The following UMAD1 variants were observed in gnomAD, a reference collection of about 807,000 sequenced individuals.
The protein encoded by UMAD1 is UBAP1-MVB12-associated (UMA)-domain containing protein 1.
A neutral mutation model predicts 6.1 loss-of-function variants in UMAD1; 8 were observed. The ratio of observed to expected loss-of-function variants is 1.30; its 90% CI spans 0.76 to 2.35. The LOEUF (loss-of-function observed/expected upper bound fraction) is 2.35. Ranked by LOEUF, UMAD1 falls within the 30% of genes most tolerant of loss-of-function variation. The probability of loss-of-function intolerance (pLI) is 0.00; values close to 1 mark genes in which losing one functional copy is unlikely to be tolerated. For missense variants in UMAD1, 130 were observed against 78.4 expected (o/e 1.66, Z -2.49); for synonymous variants, 56 against 31.4 (o/e 1.78, Z -2.61).
At chr7:7,855,438 C>G (rs189529760) in intron 3 of UMAD1, among the ~76,000 whole-genome samples, 107 of 152,348 alleles carry the variant, frequency 7.0e-4, no homozygotes, top group African/African-American at 2.5e-3. Context: ...CTGCATGCCC[C>G]AAGACCAACA....
intron 3 of UMAD1, among the ~76,000 whole-genome samples, chr7:7,862,660 A>T (rs1220470375): frequency 1.3e-5 from 2 of 152,210 alleles, no homozygotes; most frequent in African/African-American, 4.8e-5. Context: ...TACATGTTGT[A>T]ACCAGCTTGG....
At chr7:7,825,067 C>T (rs757009854) in intron 3 of UMAD1, among the ~76,000 whole-genome samples, 8 of 152,064 alleles carry the variant, frequency 5.3e-5, no homozygotes, top group Non-Finnish European at 1.2e-4. Context: ...GTTTGTAGCT[C>T]TCCTTTCAGT....
chr7:7,651,561 C>T (rs1455864673), intron 1 of UMAD1, among the ~76,000 whole-genome samples: 3 of 152,164 alleles, frequency 2.0e-5, no homozygotes, highest in Non-Finnish European at 4.4e-5. Flanking sequence ...TTTCCATCCT[C>T]ATGTTGATCT....
At chr7:7,863,891 C>T (rs948880117) in intron 3 of UMAD1, among the ~76,000 whole-genome samples, 2 of 152,218 alleles carry the variant, frequency 1.3e-5, no homozygotes, top group Non-Finnish European at 2.9e-5. Flanking sequence ...GAGAAAGAGA[C>T]TCTCCCTGGG....
intron 2 of UMAD1, among the ~76,000 whole-genome samples, chr7:7,674,734 C>G (rs1013276283): frequency 5.9e-5 from 9 of 152,188 alleles, no homozygotes; most frequent in Non-Finnish European, 1.5e-5. Flanking sequence ...TCAGAACTGA[C>G]TCTGTTAACT....
chr7:7,714,145 T>C (rs1425873282), intron 2 of UMAD1, among the ~76,000 whole-genome samples: 3 of 152,276 alleles, frequency 2.0e-5, no homozygotes, highest in Non-Finnish European at 2.9e-5. Context: ...GTACAAATGA[T>C]AGAAATTCCT....
Position 7,672,971 on chromosome 7 carries a change from C to T in UMAD1, c.-63-338C>T, listed in dbSNP as rs542376450. Reference sequence around the variant, plus strand: ...GTTTATTTTATTTTTTCCTATCACCCAAACCAGTGTCTGTTTTATGGTTAG... The same window carrying T: ...GTTTATTTTATTTTTTCCTATCACCTAAACCAGTGTCTGTTTTATGGTTAG... On this transcript the variant is annotated intron_variant, in intron 1 of 3. Coordinates refer to ENST00000682710, the MANE Select transcript of UMAD1 (RefSeq NM_001302348.2). Among the ~76,000 whole-genome samples the T allele has an allele frequency of 3.0e-3, 452 of 152,270 alleles. 3 individuals are homozygous for T. Among genetic ancestry groups the T allele is most frequent in the African/African-American group, 0.01 (436 of 41,556 alleles).
intron 2 of UMAD1, among the ~76,000 whole-genome samples, chr7:7,780,451 G>A (rs1225540032): frequency 6.6e-6 from 1 of 151,964 alleles, no homozygotes; most frequent in Non-Finnish European, 1.5e-5. Context: ...TTAATATTAG[G>A]GACTTTCTTT....
chr7:7,793,482 G>A (rs1162953786), intron 2 of UMAD1, among the ~76,000 whole-genome samples: 2 of 152,318 alleles, frequency 1.3e-5, no homozygotes, highest in African/African-American at 4.8e-5. Context: ...TTTTAAAAGC[G>A]AGCTCATTAA....
chr7:7,784,335 CT>C (rs1291886512), intron 2 of UMAD1, among the ~76,000 whole-genome samples: 3 of 109,204 alleles, frequency 2.7e-5, no homozygotes, highest in African/African-American at 1.1e-4. Context: ...CTTAAAATCT[CT>C]GTTTTTTTTT....
In UMAD1 at chr7:7,788,216, G is replaced by A. The variant is rs531459279; in HGVS notation, c.83-13454G>A. Among the ~76,000 whole-genome samples the A allele has an allele frequency of 2.4e-4, 36 of 152,342 alleles. 1 individual carries two copies. The South Asian group carries it at 6.4e-3, about 27-fold the overall frequency. ...ATGTGTGAAGTGGTTTGGAGAAGAA[G>A]GAGAACGTATGACTTGTAAAGCAGA... On this transcript the variant is annotated intron_variant, in intron 2 of 3. Transcript: ENST00000682710.
intron 3 of UMAD1, among the ~76,000 whole-genome samples, chr7:7,859,601 G>A (rs962779096): frequency 2.6e-5 from 4 of 152,180 alleles, no homozygotes; most frequent in African/African-American, 9.7e-5. Context: ...TTTCAGAGGA[G>A]TAAATTGAAA....
chr7:7,707,012 A>G (rs751700003), intron 2 of UMAD1, among the ~76,000 whole-genome samples: 25 of 152,288 alleles, frequency 1.6e-4, no homozygotes, highest in Non-Finnish European at 3.1e-4. Flanking sequence ...ATTTTTAGTC[A>G]GTCTCTAGAA....
chr7:7,877,037 AG>A (rs1439806226), intron 3 of UMAD1, among the ~76,000 whole-genome samples: 1 of 152,234 alleles, frequency 6.6e-6, no homozygotes, highest in East Asian at 1.9e-4. Context: ...AATAACAAGA[AG>A]GCCAGTTTGT....
intron 2 of UMAD1, among the ~76,000 whole-genome samples, chr7:7,734,053 C>T (rs1463732010): frequency 2.6e-5 from 4 of 152,010 alleles, no homozygotes; most frequent in Non-Finnish European, 5.9e-5. Flanking sequence ...TAAGGTTATT[C>T]TCCCCCCCGC....
intron 2 of UMAD1, among the ~76,000 whole-genome samples, chr7:7,796,735 A>T (rs1583831740): frequency 6.6e-6 from 1 of 152,266 alleles, no homozygotes; most frequent in South Asian, 2.1e-4. Flanking sequence ...AACACCAACC[A>T]GTTTAAAGAC....
chr7:7,744,219 A>C (rs925799309), intron 2 of UMAD1, among the ~76,000 whole-genome samples: 1 of 152,114 alleles, frequency 6.6e-6, no homozygotes, highest in Non-Finnish European at 1.5e-5. Flanking sequence ...TTTGTTTTCA[A>C]GACCTCTCTA....
chr7:7,758,513 A>G (rs1781825176), intron 2 of UMAD1, among the ~76,000 whole-genome samples: 1 of 117,388 alleles, frequency 8.5e-6, no homozygotes. Flanking sequence ...GAAAGAAAAC[A>G]TAGTGGGTGG....
intron 2 of UMAD1, among the ~76,000 whole-genome samples, chr7:7,719,045 A>G (rs1460921253): frequency 6.6e-6 from 1 of 151,880 alleles, no homozygotes; most frequent in Non-Finnish European, 1.5e-5. Context: ...ATTTTTGGAG[A>G]TGACATAACT....
Sources: gnomAD v4.1 joint callset for allele counts (sites outside exome capture counted in the v4.1 genomes callset) on GRCh38, gnomAD v4.1.1 for gene constraint, MANE v1.5 for transcripts, NCBI Gene and HGNC (gene_info 2026-07-23, HGNC 2026-07-21) for gene names.